Variants in OPCML observed in about 807,000 individuals in gnomAD.
OPCML encodes opioid-binding protein/cell adhesion molecule.
A neutral mutation model predicts 37.8 loss-of-function variants in OPCML; 13 were observed. That is an observed-to-expected ratio of 0.34 (90% CI 0.22 to 0.55). The LOEUF is 0.55. Among genes scored for constraint, OPCML ranks in the 20% least tolerant of loss-of-function variants. The probability of loss-of-function intolerance (pLI) is 0.91; values close to 1 mark genes in which losing one functional copy is unlikely to be tolerated. For synonymous variants in OPCML, 176 were observed against 168.8 expected, an observed-to-expected ratio of 1.04 and a Z score of -0.33; for missense variants, 341 against 435.6, an observed-to-expected ratio of 0.78 and a Z score of 1.93.
chr11:132,903,583 C>T (rs1293710815), intron 2 of OPCML, among the ~76,000 whole-genome samples: 1 of 152,070 alleles, frequency 6.6e-6, no homozygotes, highest in East Asian at 1.9e-4. Context: ...TCAGGCCCAG[C>T]TCAGGAGTTC....
chr11:132,487,643 C>A (rs968880367), intron 4 of OPCML, among the ~76,000 whole-genome samples: 2 of 152,120 alleles, frequency 1.3e-5, no homozygotes, highest in African/African-American at 2.4e-5. Context: ...CCGTTAGGAC[C>A]CAGCTTGGGG....
intron 3 of OPCML, among the ~76,000 whole-genome samples, chr11:132,638,283 T>G (rs2135714718): frequency 6.6e-6 from 1 of 151,718 alleles, no homozygotes; most frequent in African/African-American, 2.4e-5. Context: ...ATCTTGTAAC[T>G]CTGGTGTTCA....
At chr11:132,661,203 C>G (rs1941963281) in intron 2 of OPCML, among the ~76,000 whole-genome samples, 1 of 152,080 alleles carries the variant, frequency 6.6e-6, no homozygotes, top group African/African-American at 2.4e-5. Flanking sequence ...GCTCTTGGAC[C>G]TGGGCCTCCT....
chr11:132,917,532 G>C (rs1944648316), intron 2 of OPCML, among the ~76,000 whole-genome samples: 1 of 152,184 alleles, frequency 6.6e-6, no homozygotes, highest in Admixed American at 6.5e-5. Flanking sequence ...AATTAATGGA[G>C]CTGGGAGACA....
At chr11:133,024,575 A>G in intron 1 of OPCML, 1 of 985,320 alleles carries the variant, frequency 1.0e-6, no homozygotes, top group Non-Finnish European at 1.2e-6. Flanking sequence ...AGAACTACAC[A>G]GGGATTTTTG....
At chr11:132,608,036 C>G (rs150746588) in intron 3 of OPCML, among the ~76,000 whole-genome samples, 1 of 152,202 alleles carries the variant, frequency 6.6e-6, no homozygotes, top group East Asian at 1.9e-4. Flanking sequence ...AAAGAAGAGA[C>G]AAATATTTGA....
chr11:132,624,759 G>A (rs1278453061), intron 3 of OPCML, among the ~76,000 whole-genome samples: 4 of 152,104 alleles, frequency 2.6e-5, no homozygotes, highest in Non-Finnish European at 5.9e-5. Context: ...AGTTCCTGCA[G>A]GTTACCTCAT....
At chr11:133,157,309 A>G (rs1266872302) in intron 1 of OPCML, among the ~76,000 whole-genome samples, 2 of 152,176 alleles carry the variant, frequency 1.3e-5, no homozygotes, top group Non-Finnish European at 2.9e-5. Context: ...GTAAGGAAGC[A>G]TCTCGCTGTT....
intron 4 of OPCML, among the ~76,000 whole-genome samples, chr11:132,487,960 T>C (rs943677053): frequency 6.6e-6 from 1 of 152,230 alleles, no homozygotes; most frequent in African/African-American, 2.4e-5. Context: ...TCCTCACTGC[T>C]TACAAGATAA....
intron 2 of OPCML, among the ~76,000 whole-genome samples, chr11:132,741,789 G>C (rs1310121334): frequency 6.6e-6 from 1 of 152,118 alleles, no homozygotes; most frequent in Non-Finnish European, 1.5e-5. Flanking sequence ...CACTTTGGGA[G>C]GCCGAGGCAA....
At chr11:132,534,798 A>C (rs2096335909) in intron 3 of OPCML, among the ~76,000 whole-genome samples, 1 of 152,204 alleles carries the variant, frequency 6.6e-6, no homozygotes, top group Non-Finnish European at 1.5e-5. Context: ...TGTATTCAAC[A>C]GAGGAGCACA....
At chr11:133,096,240 C>T (rs889357034) in intron 1 of OPCML, among the ~76,000 whole-genome samples, 4 of 151,564 alleles carry the variant, frequency 2.6e-5, no homozygotes, top group African/African-American at 4.8e-5. Context: ...TTATAAGGTA[C>T]TTGAACTACC....
At chr11:132,604,681 C>T (rs1938157044) in intron 3 of OPCML, among the ~76,000 whole-genome samples, 1 of 152,224 alleles carries the variant, frequency 6.6e-6, no homozygotes, top group Non-Finnish European at 1.5e-5. Context: ...CATTCCTAAT[C>T]ACTCAGCCTT....
chr11:133,089,192 T>C lies in OPCML; in HGVS notation c.62-146182A>G, dbSNP rs189717524. 9.8e-5 allele frequency among the ~76,000 whole-genome samples: 15 copies of C among 152,292 alleles called. No homozygotes were observed. The East Asian group carries it at 2.9e-3, about 29-fold the overall frequency. On this transcript the variant is annotated intron_variant, in intron 1 of 7. Coordinates refer to ENST00000524381, the MANE Select transcript of OPCML (RefSeq NM_001012393.5). ...CAGAACCAATTGCCTGTTCAGATCATAGCTACTATGTGACAAGTAGAGATA... is the reference window on the plus strand; with the variant it reads ...CAGAACCAATTGCCTGTTCAGATCACAGCTACTATGTGACAAGTAGAGATA...
intron 1 of OPCML, among the ~76,000 whole-genome samples, chr11:133,235,095 G>C (rs1940450866): frequency 6.6e-6 from 1 of 151,790 alleles, no homozygotes; most frequent in African/African-American, 2.4e-5. Flanking sequence ...CATGCTTCAG[G>C]GGCTCCGCGG....
intron 2 of OPCML, among the ~76,000 whole-genome samples, chr11:132,798,297 C>T (rs1938451644): frequency 6.6e-6 from 1 of 152,104 alleles, no homozygotes; most frequent in Non-Finnish European, 1.5e-5. Context: ...TCTTGAACTC[C>T]TGACCTGAAG....
At chr11:132,783,198 G>A (rs1947094113) in intron 2 of OPCML, among the ~76,000 whole-genome samples, 1 of 152,084 alleles carries the variant, frequency 6.6e-6, no homozygotes, top group Non-Finnish European at 1.5e-5. Context: ...AGGCAAGAGA[G>A]AGCAAAAGAG....
chr11:132,707,057 A>T (rs981145005), intron 2 of OPCML, among the ~76,000 whole-genome samples: 1 of 152,230 alleles, frequency 6.6e-6, no homozygotes, highest in African/African-American at 2.4e-5. Context: ...ACCTTACTGT[A>T]TGCTTTTTTA....
chr11:133,374,808 G>A (rs1029913344), intron 1 of OPCML, among the ~76,000 whole-genome samples: 10 of 152,020 alleles, frequency 6.6e-5, no homozygotes, highest in African/African-American at 2.2e-4. Context: ...TTAGTATTTG[G>A]CCTCAGTTCC....
Sources: allele counts gnomAD v4.1 joint callset (sites outside exome capture counted in the v4.1 genomes callset), GRCh38; gene constraint gnomAD v4.1.1; transcripts MANE v1.5; gene names NCBI Gene and HGNC (gene_info 2026-07-23, HGNC 2026-07-21).